The following TRIM9 variants were observed in gnomAD, a reference collection of about 807,000 sequenced individuals.
TRIM9 encodes tripartite motif containing 9, also known as E3 ubiquitin-protein ligase TRIM9.
Under a neutral mutation model 78.3 loss-of-function variants are expected in TRIM9, and 26 were observed. The observed-to-expected ratio is 0.33, with a 90% confidence interval of 0.24 to 0.46. TRIM9 has a LOEUF of 0.46. TRIM9 is among the 20% of genes least tolerant of loss of function. TRIM9 has a pLI of 1.00. For missense variants in TRIM9, 787 were observed against 1,036.4 expected, an observed-to-expected ratio of 0.76 and a Z score of 3.30; for synonymous variants, 398 against 416.5, an observed-to-expected ratio of 0.96 and a Z score of 0.54.
At chr14:51,062,750 C>G (rs2061445727) in intron 1 of TRIM9, among the ~76,000 whole-genome samples, 1 of 152,120 alleles carries the variant, frequency 6.6e-6, no homozygotes, top group Non-Finnish European at 1.5e-5. Flanking sequence ...TGGCTAATCC[C>G]TGAACTGTGG....
Position 51,034,908 on chromosome 14 carries a change from C to T in TRIM9, c.823-9548G>A, listed in dbSNP as rs79894156. ...TAAAAATTCTGAATAATAATAGTAC[C>T]CATCTTGCTGGGTTGTATAAAGCCT... is the stretch of plus-strand genomic sequence containing the variant. On this transcript the variant is annotated intron_variant, in intron 1 of 12. Transcript: ENST00000684578. Among the ~76,000 whole-genome samples, 947 of 152,148 alleles carry T rather than the reference C, an allele frequency of 6.2e-3. 14 individuals are homozygous for T. The highest frequency in any genetic ancestry group is 6.0e-3 in the Non-Finnish European group (405 of 68,004).
At chr14:51,085,152 A>T (rs1400463722) in intron 1 of TRIM9, among the ~76,000 whole-genome samples, 1 of 152,220 alleles carries the variant, frequency 6.6e-6, no homozygotes, top group Non-Finnish European at 1.5e-5. Flanking sequence ...GTTACTTCTT[A>T]AAGTGCAGGC....
intron 1 of TRIM9, among the ~76,000 whole-genome samples, chr14:51,032,190 T>C (rs1245625750): frequency 6.6e-6 from 1 of 152,214 alleles, no homozygotes; most frequent in African/African-American, 2.4e-5. Flanking sequence ...TAGTAGGAAT[T>C]GGGCCAGACA....
intron 1 of TRIM9, among the ~76,000 whole-genome samples, chr14:51,075,961 AT>A (rs368253308): frequency 5.9e-5 from 9 of 151,598 alleles, no homozygotes; most frequent in East Asian, 1.9e-4. Context: ...TATTATTTTA[AT>A]TTTTTTTTCA....
In TRIM9 at chr14:50,981,992, G is replaced by C; in HGVS notation, c.1970C>G (p.Thr657Ser). 1 of 1,614,182 alleles carries C rather than the reference G, an allele frequency of 6.2e-7. No homozygotes were observed. Among genetic ancestry groups the C allele is most frequent in the Non-Finnish European group, 8.5e-7 (1 of 1,180,036 alleles). The change falls in exon 11 of 13, where the codon ACT becomes AGT. Residue 657 changes from threonine (T) to serine (S), a missense_variant. Around this residue, in one of 3 missense-constraint regions of TRIM9, gnomAD observed 421 missense variants for 514.3 expected, o/e 0.82. Transcript: ENST00000684578. Reference protein sequence around the residue: ...SYDDRVVLGKTGFSKGIHYWE... With the variant: ...SYDDRVVLGKSGFSKGIHYWE... ...GTAGTGGATGCCCTTGGAGAAGCCA[G>C]TCTTCCCTAGCACCACCCGGTCATC...
chr14:51,000,005 G>A (rs2054746139), intron 6 of TRIM9, among the ~76,000 whole-genome samples: 1 of 152,150 alleles, frequency 6.6e-6, no homozygotes, highest in Non-Finnish European at 1.5e-5. Flanking sequence ...CCTCACCTTG[G>A]GAAGGTAGCA....
At chr14:51,043,009 T>G (rs147515690) in intron 1 of TRIM9, among the ~76,000 whole-genome samples, 2 of 152,356 alleles carry the variant, frequency 1.3e-5, no homozygotes, top group East Asian at 3.9e-4. Flanking sequence ...TTAATAATGT[T>G]AATAGCATAA....
chr14:51,013,038 T>G (rs564348197), intron 3 of TRIM9, among the ~76,000 whole-genome samples: 18 of 152,336 alleles, frequency 1.2e-4, no homozygotes, highest in African/African-American at 4.1e-4. Flanking sequence ...TATTTCCAAC[T>G]TACCTATATT....
intron 7 of TRIM9, 107 bp from the exon 8 acceptor site, chr14:50,986,251 T>C: frequency 9.9e-7 from 1 of 1,005,810 alleles, no homozygotes; most frequent in South Asian, 3.7e-5. Context: ...AAGCCTCATC[T>C]TTCCCACAGG....
rs757694181 is a variant in TRIM9, at chr14:50,983,364, C to T, written c.1834+16G>A. On this transcript the variant is annotated intron_variant, in intron 9 of 12. Transcript: ENST00000684578. ...CAATCACGTAAGTAAAAGATAATTA[C>T]AATAGGTATACTTGCCTAATTGAGA... The T allele has an allele frequency of 2.9e-5, 45 of 1,529,104 alleles. No individual in the cohort carries two copies. Among genetic ancestry groups the T allele is most frequent in the Non-Finnish European group, 4.0e-5 (45 of 1,133,842 alleles). The allele number at this position is 1,529,104 out of a possible 1,614,324, so 94.7% of individuals were successfully genotyped here.
At chr14:50,998,289 A>T (rs1423000477) in intron 6 of TRIM9, 101 bp from the exon 7 acceptor site, 9 of 1,134,958 alleles carry the variant, frequency 7.9e-6, no homozygotes, top group Non-Finnish European at 1.0e-5. Flanking sequence ...CCCTGGTGTC[A>T]TTCTAATCTG....
chr14:51,081,782 G>A (rs748816174), intron 1 of TRIM9, among the ~76,000 whole-genome samples: 6 of 152,174 alleles, frequency 3.9e-5, no homozygotes, highest in South Asian at 2.1e-4. Context: ...GTTTATTATG[G>A]AGGATACAAC....
intron 3 of TRIM9, among the ~76,000 whole-genome samples, chr14:51,018,068 C>T (rs140381945): frequency 2.2e-4 from 34 of 152,258 alleles, no homozygotes; most frequent in African/African-American, 7.9e-4. Context: ...CTGCTGAGGG[C>T]AGTTGAAAGC....
At chr14:51,027,133 T>A (rs1003342979) in intron 1 of TRIM9, among the ~76,000 whole-genome samples, 3 of 680 alleles carry the variant, frequency 4.4e-3, no homozygotes, top group Admixed American at 0.016. Context: ...GGCTGTTAAC[T>A]TTTTTTTTTT....
chr14:50,998,083 A>C lies in TRIM9; in HGVS notation c.1570T>G (p.Tyr524Asp). Reference protein sequence around the residue: ...KAFNKTGVSPYSKTLVLQTSE... With the variant: ...KAFNKTGVSPDSKTLVLQTSE... ...GTTTGGAGGACCAGGGTCTTGCTGT[A>C]CGGGCTGACTCCTGTTTTGTTGAAG... The change falls in exon 7 of 13, where the codon TAC becomes GAC. Residue 524 changes from tyrosine to aspartate, a missense_variant. Physicochemically the swap from Tyr to Asp is radical, Grantham distance 160. Around this residue, in one of 3 missense-constraint regions of TRIM9, gnomAD observed 421 missense variants for 514.3 expected, o/e 0.82. Coordinates refer to ENST00000684578, the MANE Select transcript of TRIM9 (RefSeq NM_001387360.1). 1 of 1,614,206 alleles carries C rather than the reference A, an allele frequency of 6.2e-7. No individual in the cohort carries two copies. The highest frequency in any genetic ancestry group is 2.2e-5 in the East Asian group (1 of 44,884).
intron 1 of TRIM9, among the ~76,000 whole-genome samples, chr14:51,030,586 G>GGT (rs34926668): frequency 0.069 from 10,499 of 151,954 alleles, 450 homozygotes; most frequent in Middle Eastern, 0.12. Flanking sequence ...GTGTGCATAT[G>GGT]GTGTGTGTGT....
rs966482060 is a variant in TRIM9 at position 50,976,048 on chromosome 14, G to C, written c.*1243C>G. Reference sequence around the variant, plus strand: ...ACAAGCATGTTTATCCTGAGAATGTGAATGCTGTGGACTGCAACTCAAGAT... The same window carrying C: ...ACAAGCATGTTTATCCTGAGAATGTCAATGCTGTGGACTGCAACTCAAGAT... On this transcript the variant is annotated 3_prime_UTR_variant, in exon 13 of 13. Transcript: ENST00000684578. 1 of 152,582 alleles carries C rather than the reference G, an allele frequency of 6.6e-6. No homozygotes were observed. The highest frequency in any genetic ancestry group is 1.5e-5 in the Non-Finnish European group (1 of 68,018). The allele number at this position is 152,582 out of a possible 1,614,324, so 9.5% of individuals were successfully genotyped here.
At chr14:51,014,703 C>T (rs17123480) in intron 3 of TRIM9, among the ~76,000 whole-genome samples, 5 of 152,170 alleles carry the variant, frequency 3.3e-5, no homozygotes, top group Admixed American at 1.3e-4. Flanking sequence ...CTTCAACTTG[C>T]GTTACTCATA....
chr14:51,050,067 G>A (rs2060273326), intron 1 of TRIM9, among the ~76,000 whole-genome samples: 1 of 152,038 alleles, frequency 6.6e-6, no homozygotes, highest in Non-Finnish European at 1.5e-5. Context: ...GTGGGGGATT[G>A]ATATTGATCT....
Sources: allele counts gnomAD v4.1 joint callset (sites outside exome capture counted in the v4.1 genomes callset), GRCh38; gene constraint gnomAD v4.1.1; regional missense constraint gnomAD v4.1.1; transcripts MANE v1.5; gene names NCBI Gene and HGNC (gene_info 2026-07-23, HGNC 2026-07-21).